WAS: variants seen among roughly 807,000 people sequenced by gnomAD.
The protein encoded by WAS is WASP actin nucleation promoting factor.
In WAS, 1 loss-of-function variant was observed where a neutral mutation model predicts 38.9. The observed-to-expected ratio is 0.03, with a 90% CI of 0.01 to 0.12. The LOEUF (loss-of-function observed/expected upper bound fraction) is 0.12. Among genes scored for constraint, WAS ranks in the 10% least tolerant of loss-of-function variants. WAS has a pLI of 1.00. For synonymous variants in WAS, 182 were observed against 173.6 expected, an observed-to-expected ratio of 1.05 and a Z score of -0.38; for missense variants, 311 against 431.2, an observed-to-expected ratio of 0.72 and a Z score of 2.47.
In WAS at chrX:48,685,667, GGGTGT is replaced by G. The variant is rs782431390; in HGVS notation, c.360+37_360+41del. 52 of 1,173,514 alleles carry G rather than the reference GGGTGT, an allele frequency of 4.4e-5. No individual in the cohort carries two copies. In the Admixed American group the frequency reaches 5.4e-4, roughly 12 times the overall value. On this transcript the variant is annotated intron_variant, in intron 3 of 11. Transcript: ENST00000376701. ...TCAACCAGCCCTCGGGCCTCACTTG[GGGTGT>G]GGAGAGGAGATGGGAAAGTTGCGGG... is the stretch of plus-strand genomic sequence containing the variant.
intron 11 of WAS, 183 bp downstream of exon 11, chrX:48,689,617 A>G (rs1269976020): frequency 2.2e-6 from 1 of 459,161 alleles, no homozygotes; most frequent in Admixed American, 3.6e-5. Flanking sequence ...CAATAATATA[A>G]TTAACTCCAA....
At chrX:48,686,469 CA>C (rs1557006748) in intron 6 of WAS, among the ~76,000 whole-genome samples, 1 of 112,310 alleles carries the variant, frequency 8.9e-6, no homozygotes, top group African/African-American at 3.2e-5. Flanking sequence ...GACTAAATGA[CA>C]AGTTTCAGTC....
intron 11 of WAS, 46 bp downstream of exon 11, chrX:48,689,480 C>CA (rs782099535): frequency 1.8e-6 from 2 of 1,082,665 alleles, no homozygotes; most frequent in Non-Finnish European, 2.5e-6. Context: ...CCAGGGCTAG[C>CA]ACTGGCCTCA....
At chrX:48,681,134 C>T (rs2062399702), upstream of WAS, among the ~76,000 whole-genome samples, 1 of 112,005 alleles carries the variant, frequency 8.9e-6, no homozygotes, top group Non-Finnish European at 1.9e-5. Flanking sequence ...GCCTCAGCTT[C>T]CCAGTCAGTA....
intron 8 of WAS, 28 bp downstream of exon 8, chrX:48,688,124 C>T (rs1557006978): frequency 8.4e-7 from 1 of 1,193,356 alleles, no homozygotes. Flanking sequence ...CTCTTGGACT[C>T]CACTAAACTT....
intron 11 of WAS, chrX:48,689,677 T>G (rs1557007481): frequency 5.0e-6 from 2 of 400,476 alleles, no homozygotes; most frequent in Non-Finnish European, 8.7e-6. Flanking sequence ...ACAATATTAA[T>G]GTCATTCCCA....
chrX:48,676,901 C>T (rs1245894712), intron 1 of WAS, among the ~76,000 whole-genome samples: 1 of 112,841 alleles, frequency 8.9e-6, no homozygotes, highest in Non-Finnish European at 1.9e-5. Flanking sequence ...GGGCTGTAGA[C>T]ACCCCTAGGG....
chrX:48,684,393 G>A lies in WAS; in HGVS notation c.243G>A (p.Lys81=), dbSNP rs1164471209. 3.3e-6 allele frequency: 4 copies of A among 1,208,645 alleles called. No homozygotes were observed. The highest frequency in any genetic ancestry group is 4.5e-6 in the Non-Finnish European group (4 of 894,785). The part of the protein sequence containing the change: ...AVCFVKDNPQ[K]SYFIRLYGLQ... ...GCTTCGTGAAGGATAACCCCCAGAA[G>A]TCCTACTTCATCCGCCTTTACGGCC... Residue 81 remains lysine, a synonymous_variant, in exon 2 of 12, where the codon AAG becomes AAA. Transcript: ENST00000376701.
chrX:48,682,274 C>T (rs1279530810), upstream of WAS, among the ~76,000 whole-genome samples: 2 of 111,924 alleles, frequency 1.8e-5, no homozygotes, highest in Non-Finnish European at 3.8e-5. Flanking sequence ...CACATGCACA[C>T]CATGGAATGC....
chrX:48,681,253 C>T (rs1236601508), upstream of WAS, among the ~76,000 whole-genome samples: 1 of 111,784 alleles, frequency 8.9e-6, no homozygotes, highest in Non-Finnish European at 1.9e-5. Context: ...TCACTGCAAC[C>T]TCCGCCTCCC....
In WAS at chrX:48,688,947, G is replaced by C. The variant is rs782602857; in HGVS notation, c.1219G>C (p.Gly407Arg). ...ACCACCGCCACCGCCGCCCAGCTCC[G>C]GGAATGGACCAGCCCCTCCCCCACT... ...PPPPPPPPSS[G>R]NGPAPPPLPP... is the part of the protein sequence containing the mutation. Residue 407 changes from glycine (G) to arginine (R), a missense_variant, in exon 10 of 12, where the codon GGG (glycine) becomes CGG (arginine). Coordinates refer to ENST00000376701, the MANE Select transcript of WAS (RefSeq NM_000377.3). 1.7e-6 allele frequency: 2 copies of C among 1,166,637 alleles called. No homozygotes were observed. Among genetic ancestry groups the C allele is most frequent in the East Asian group, 6.4e-5 (2 of 31,489 alleles).
At chrX:48,683,006 G>A (rs1466699596), upstream of WAS, among the ~76,000 whole-genome samples, 4 of 111,607 alleles carry the variant, frequency 3.6e-5, no homozygotes, top group African/African-American at 1.3e-4. Flanking sequence ...CATTGGCAGT[G>A]TCTAAGCACT....
rs143825543 is a variant in WAS, at chrX:48,686,606, A to G, written c.560-175A>G. On this transcript the variant is annotated intron_variant, in intron 6 of 11. Coordinates refer to ENST00000376701, the MANE Select transcript of WAS (RefSeq NM_000377.3). ...ACATGAATGAATCAGTGAATGTATG[A>G]ATGGTTTGTGGGATCCACCCACTTC... is the stretch of plus-strand genomic sequence containing the variant. 0.011 allele frequency among the ~76,000 whole-genome samples: 1,239 copies of G among 112,376 alleles called. 7 individuals carry two copies. Among genetic ancestry groups the G allele is most frequent in the South Asian group, 0.017 (46 of 2,756 alleles).
rs782593697 is a variant in WAS at position 48,685,763 on chromosome X, C to T, written c.390C>T (p.Asp130=). ...GCCAAGCGGGGCTGAACTTTGCAGA[C>T]GAGGACGAGGCCCAGGCCTTCCGGG... The part of the protein sequence containing the change: ...DDCQAGLNFA[D]EDEAQAFRAL... Residue 130 remains aspartate (D), a synonymous_variant, in exon 4 of 12, where the codon GAC becomes GAT. Coordinates refer to ENST00000376701, the MANE Select transcript of WAS (RefSeq NM_000377.3). 21 of 1,179,558 alleles carry T rather than the reference C, an allele frequency of 1.8e-5. No individual in the cohort carries two copies. Among genetic ancestry groups the T allele is most frequent in the East Asian group, 9.4e-5 (3 of 31,835 alleles).
chrX:48,686,976 G>A (rs2062422357), intron 7 of WAS, 21 bp downstream of exon 7: 2 of 1,192,377 alleles, frequency 1.7e-6, no homozygotes, highest in African/African-American at 1.7e-5. Context: ...CTCCCCAGTG[G>A]ACCCACAGAT....
chrX:48,691,410 T>G lies in WAS; in HGVS notation c.*248T>G. 1 of 413,430 alleles carries G rather than the reference T, an allele frequency of 2.4e-6. No individual in the cohort carries two copies. The highest frequency in any genetic ancestry group is 4.2e-6 in the Non-Finnish European group (1 of 237,123). 34.1% of individuals were successfully genotyped at this position (413,430 alleles called of 1,213,427 possible). A position where few individuals can be genotyped will look rare whatever the true frequency, so the allele number is the denominator to read the frequency against. ...TTTAAAGAAAAATAAAAGAATTGTC[T>G]TTCTGTCTCTCTATAAATCTCAGTC... On this transcript the variant is annotated 3_prime_UTR_variant, in exon 12 of 12. Transcript: ENST00000376701.
At position 48,687,092 on chromosome X, in the gene WAS, T is replaced by C. The variant is rs1051996457; in HGVS notation, c.734+137T>C. 6.0e-6 allele frequency: 5 copies of C among 828,162 alleles called. No individual in the cohort carries two copies. The Admixed American group carries it at 1.3e-4, about 22-fold the overall frequency. 68.2% of individuals were successfully genotyped at this position (828,162 alleles called of 1,213,427 possible). A position where few individuals can be genotyped will look rare whatever the true frequency, so the allele number is the denominator to read the frequency against. The stretch of plus-strand genomic sequence containing the variant: ...CTGAGTGGGTAAATGGGTGGTTGGA[T>C]AGGTAGGTGCAGGGCTGGGTCTAGG... On this transcript the variant is annotated intron_variant, in intron 7 of 11. Transcript: ENST00000376701.
At position 48,691,339 on chromosome X, in the gene WAS, A is replaced by G. The variant is rs940507102; in HGVS notation, c.*177A>G. The G allele has an allele frequency of 4.5e-6, 2 of 448,700 alleles. No individual in the cohort carries two copies. The highest frequency in any genetic ancestry group is 6.1e-4 in the Middle Eastern group (1 of 1,632). 37.0% of individuals were successfully genotyped at this position (448,700 alleles called of 1,213,427 possible). On this transcript the variant is annotated 3_prime_UTR_variant, in exon 12 of 12. Transcript: ENST00000376701. Reference sequence around the variant, plus strand: ...TCCTCACACTCACCCAACAATCCCAAGGCCCTTTTTATACAAAAATTCTCA... The same window carrying G: ...TCCTCACACTCACCCAACAATCCCAGGGCCCTTTTTATACAAAAATTCTCA...
intron 7 of WAS, 99 bp from the exon 8 acceptor site, chrX:48,687,955 T>C (rs1416402872): frequency 1.1e-6 from 1 of 915,273 alleles, no homozygotes. Flanking sequence ...TTCTGGCCCC[T>C]CAGAGTCTCT....
Sources: gnomAD v4.1 joint callset for allele counts (sites outside exome capture counted in the v4.1 genomes callset) on GRCh38, gnomAD v4.1.1 for gene constraint, MANE v1.5 for transcripts, NCBI Gene and HGNC (gene_info 2026-07-23, HGNC 2026-07-21) for gene names.